ERBB4: variants seen among roughly 807,000 people sequenced by gnomAD.
ERBB4 encodes the protein erb-b2 receptor tyrosine kinase 4.
A neutral mutation model predicts 158.0 loss-of-function variants in ERBB4; 42 were observed. The ratio of observed to expected loss-of-function variants is 0.27; its 90% CI spans 0.21 to 0.34. The LOEUF (loss-of-function observed/expected upper bound fraction) is 0.34, where lower values mean the gene tolerates loss of function less well. ERBB4 is among the 10% of genes least tolerant of loss of function. ERBB4 has a pLI of 1.00. For missense variants in ERBB4, 1,333 were observed against 1,624.1 expected (o/e 0.82, Z 3.08); for synonymous variants, 583 against 558.7 (o/e 1.04, Z -0.61).
At chr2:212,095,478 T>C (rs1266156367) in intron 2 of ERBB4, among the ~76,000 whole-genome samples, 1 of 152,182 alleles carries the variant, frequency 6.6e-6, no homozygotes, top group African/African-American at 2.4e-5. Flanking sequence ...ATAAATGTTT[T>C]GGAGTTAAGT....
In ERBB4 at chr2:212,167,799, T is replaced by G. The variant is rs1050070737; in HGVS notation, c.83-42896A>C. On this transcript the variant is annotated intron_variant, in intron 1 of 27. Coordinates refer to ENST00000342788, the MANE Select transcript of ERBB4 (RefSeq NM_005235.3). The stretch of plus-strand genomic sequence containing the variant: ...ATAATGTCCTTTGCAGGGACATGAA[T>G]GAAGCTGGAAGTCATCATCCTCAGC... Among the ~76,000 whole-genome samples, 6 of 152,218 alleles carry G rather than the reference T, an allele frequency of 3.9e-5. No homozygotes were observed. In the East Asian group the frequency reaches 1.2e-3, roughly 29 times the overall value.
intron 12 of ERBB4, among the ~76,000 whole-genome samples, chr2:211,691,568 A>ATG (rs61091828): frequency 0.16 from 21,878 of 138,908 alleles, 1,703 homozygotes; most frequent in Non-Finnish European, 0.19. Context: ...ATAGAAACAT[A>ATG]TGTGTGTGTG....
intron 19 of ERBB4, among the ~76,000 whole-genome samples, chr2:211,562,972 C>T (rs1377765281): frequency 2.6e-5 from 4 of 151,920 alleles, no homozygotes; most frequent in South Asian, 2.1e-4. Context: ...GGGGTTTCAC[C>T]GTTTTAGCCG....
At chr2:212,123,127 C>A (rs187480956) in intron 2 of ERBB4, among the ~76,000 whole-genome samples, 1 of 152,162 alleles carries the variant, frequency 6.6e-6, no homozygotes, top group South Asian at 2.1e-4. Flanking sequence ...TTGGGCCGGG[C>A]GCGGTGGCTC....
At position 212,430,500 on chromosome 2, in the gene ERBB4, G is replaced by A. The variant is rs537349701; in HGVS notation, c.82+107949C>T. The stretch of plus-strand genomic sequence containing the variant: ...TTGTTGCCCAGGCTGGAGTGCAGTG[G>A]CGCGATCTTGGCTCACTGCAGCCTC... On this transcript the variant is annotated intron_variant, in intron 1 of 27. Coordinates refer to ENST00000342788, the MANE Select transcript of ERBB4 (RefSeq NM_005235.3). Among the ~76,000 whole-genome samples the A allele has an allele frequency of 1.9e-4, 29 of 151,766 alleles. No individual in the cohort carries two copies. In the East Asian group the frequency reaches 4.9e-3, roughly 25 times the overall value.
intron 3 of ERBB4, among the ~76,000 whole-genome samples, chr2:211,921,407 T>TA (rs948773591): frequency 7.9e-5 from 12 of 151,546 alleles, no homozygotes; most frequent in African/African-American, 2.9e-4. Flanking sequence ...TTTTTGAGCT[T>TA]AAAAAAAATA....
rs188606675 is a variant in ERBB4 at position 211,748,760 on chromosome 2, C to T, written c.622+1879G>A. Among the ~76,000 whole-genome samples, 5 of 152,258 alleles carry T rather than the reference C, an allele frequency of 3.3e-5. No individual in the cohort carries two copies. In the East Asian group the frequency reaches 9.6e-4, roughly 29 times the overall value. ...AAAACTCATTTTTAATTTGATACCTCGGTAGTTTTTTTCTGCCATGAAATG... is the reference window on the plus strand; with the variant it reads ...AAAACTCATTTTTAATTTGATACCTTGGTAGTTTTTTTCTGCCATGAAATG... On this transcript the variant is annotated intron_variant, in intron 5 of 27. Coordinates refer to ENST00000342788, the MANE Select transcript of ERBB4 (RefSeq NM_005235.3).
At chr2:211,911,427 AG>A (rs2079538865) in intron 3 of ERBB4, among the ~76,000 whole-genome samples, 1 of 151,942 alleles carries the variant, frequency 6.6e-6, no homozygotes, top group Non-Finnish European at 1.5e-5. Context: ...CACCATGCCC[AG>A]CTACTTGTTA....
intron 1 of ERBB4, among the ~76,000 whole-genome samples, chr2:212,230,092 C>T (rs2083611970): frequency 6.6e-6 from 1 of 152,030 alleles, no homozygotes; most frequent in Non-Finnish European, 1.5e-5. Flanking sequence ...CAAGATGAGC[C>T]TGGCCAACAC....
chr2:212,504,144 C>T (rs1262845771), intron 1 of ERBB4, among the ~76,000 whole-genome samples: 1 of 152,136 alleles, frequency 6.6e-6, no homozygotes, highest in Non-Finnish European at 1.5e-5. Flanking sequence ...CTGCAATTTT[C>T]CTGAATTCTA....
At chr2:212,087,172 TACAC>T (rs147010295) in intron 2 of ERBB4, among the ~76,000 whole-genome samples, 6 of 147,520 alleles carry the variant, frequency 4.1e-5, no homozygotes, top group South Asian at 2.1e-4. Context: ...AACACACACA[TACAC>T]ACACACACAC....
chr2:212,360,823 G>A (rs2089660119), intron 1 of ERBB4, among the ~76,000 whole-genome samples: 1 of 151,574 alleles, frequency 6.6e-6, no homozygotes, highest in African/African-American at 2.4e-5. Flanking sequence ...GAAAAATTCA[G>A]TGATTTAGAC....
At chr2:211,719,156 C>T (rs1236998729) in intron 7 of ERBB4, among the ~76,000 whole-genome samples, 1 of 152,192 alleles carries the variant, frequency 6.6e-6, no homozygotes, top group African/African-American at 2.4e-5. Context: ...ACATTTTCAT[C>T]ATGTCTTCTG....
intron 12 of ERBB4, among the ~76,000 whole-genome samples, chr2:211,696,999 G>A (rs1037810160): frequency 2.0e-5 from 3 of 152,150 alleles, no homozygotes; most frequent in East Asian, 1.9e-4. Context: ...GAGGAATCAC[G>A]GTGAAATGAA....
intron 20 of ERBB4, among the ~76,000 whole-genome samples, chr2:211,529,098 C>T (rs1264085780): frequency 6.8e-6 from 1 of 146,804 alleles, no homozygotes; most frequent in African/African-American, 2.5e-5. Context: ...ATTGAAAAAC[C>T]ATTAGCCAGA....
In ERBB4 at chr2:211,641,388, AG is replaced by A. The variant is rs533679115; in HGVS notation, c.1947-10795del. 2.0e-3 allele frequency among the ~76,000 whole-genome samples: 309 copies of A among 152,112 alleles called. 2 individuals are homozygous for A. Among genetic ancestry groups the A allele is most frequent in the Non-Finnish European group, 9.7e-4 (66 of 67,960 alleles). Reference sequence around the variant, plus strand: ...TTCTTATCTTTTTACTGACCTTTTGAGATCATCATTTGCAAGAGGAACAAAC... The same window carrying A: ...TTCTTATCTTTTTACTGACCTTTTGAATCATCATTTGCAAGAGGAACAAAC... On this transcript the variant is annotated intron_variant, in intron 16 of 27. Coordinates refer to ENST00000342788, the MANE Select transcript of ERBB4 (RefSeq NM_005235.3).
chr2:212,138,106 AGCT>A (rs2080332322), intron 1 of ERBB4, among the ~76,000 whole-genome samples: 1 of 152,188 alleles, frequency 6.6e-6, no homozygotes, highest in Non-Finnish European at 1.5e-5. Context: ...AATTTAGTTA[AGCT>A]GCTAATAAAT....
At chr2:212,181,023 G>T (rs775758445) in intron 1 of ERBB4, among the ~76,000 whole-genome samples, 1 of 151,540 alleles carries the variant, frequency 6.6e-6, no homozygotes, top group Non-Finnish European at 1.5e-5. Context: ...AACAACTGTT[G>T]ATGATATCAG....
chr2:211,623,171 G>A (rs2069701184), intron 18 of ERBB4, among the ~76,000 whole-genome samples: 1 of 149,778 alleles, frequency 6.7e-6, no homozygotes, highest in Admixed American at 6.7e-5. Flanking sequence ...ATTAATCTTG[G>A]GCCTAGCCTC....
Sources: allele counts gnomAD v4.1 joint callset (sites outside exome capture counted in the v4.1 genomes callset), GRCh38; gene constraint gnomAD v4.1.1; transcripts MANE v1.5; gene names NCBI Gene and HGNC (gene_info 2026-07-23, HGNC 2026-07-21).